The following MAP2K5 variants were observed in gnomAD, a reference collection of about 807,000 sequenced individuals.
MAP2K5 encodes mitogen-activated protein kinase kinase 5.
Under a neutral mutation model 83.1 loss-of-function variants are expected in MAP2K5, and 49 were observed. That is an observed-to-expected ratio of 0.59 (90% confidence interval 0.47 to 0.75). MAP2K5 has a LOEUF of 0.75. MAP2K5 is among the 30% of genes least tolerant of loss of function. The pLI, the probability that MAP2K5 is intolerant of heterozygous loss-of-function variation, is 0.00. For synonymous variants in MAP2K5, 202 were observed against 191.8 expected (o/e 1.05, Z -0.44); for missense variants, 457 against 557.5 (o/e 0.82, Z 1.82).
chr15:67,769,695 A>G lies in MAP2K5; in HGVS notation c.1196+32A>G, dbSNP rs2090105667. ...CCGTTTACAAACATGCCATGCCCTCAATGTAAATGATACATGCCATTAACT... is the reference window on the plus strand; with the variant it reads ...CCGTTTACAAACATGCCATGCCCTCGATGTAAATGATACATGCCATTAACT... On this transcript the variant is annotated intron_variant, in intron 20 of 21. Coordinates refer to ENST00000178640, the MANE Select transcript of MAP2K5 (RefSeq NM_145160.3). The surrounding 1 kb of genome is among the most constrained non-coding windows in gnomAD (Gnocchi z 5.2). 1 of 1,607,076 alleles carries G rather than the reference A, an allele frequency of 6.2e-7. No homozygotes were observed. Among genetic ancestry groups the G allele is most frequent in the Non-Finnish European group, 8.5e-7 (1 of 1,173,950 alleles).
rs1463258932 is a variant in MAP2K5, at chr15:67,736,982, C to G, written c.1074+9037C>G. Among the ~76,000 whole-genome samples, 2 of 152,220 alleles carry G rather than the reference C, an allele frequency of 1.3e-5. No individual in the cohort carries two copies. The highest frequency in any genetic ancestry group is 4.8e-5 in the African/African-American group (2 of 41,452). On this transcript the variant is annotated intron_variant, in intron 17 of 21. Transcript: ENST00000178640. This position sits in a 1 kb window ranked among gnomAD's most constrained non-coding sequence, Gnocchi z 4.3. ...GAGTCCACAGCCATTAAATGACTCA[C>G]TCATGATTACCAGGTATTCAGCAAC... is the stretch of plus-strand genomic sequence containing the variant.
In MAP2K5 at chr15:67,748,335, G is replaced by T; in HGVS notation, c.1101+78G>T. ...CTTCCTTTGCATGCTTGAATGCCTT[G>T]TTTTAAACTTAGCAAATTGCATTTT... On this transcript the variant is annotated intron_variant, in intron 18 of 21. Transcript: ENST00000178640. The surrounding 1 kb of genome is among the most constrained non-coding windows in gnomAD (Gnocchi z 4.0). The T allele has an allele frequency of 1.6e-6, 2 of 1,257,722 alleles. No individual in the cohort carries two copies. The highest frequency in any genetic ancestry group is 1.2e-6 in the Non-Finnish European group (1 of 867,168). 77.9% of individuals were successfully genotyped at this position (1,257,722 alleles called of 1,614,324 possible).
At position 67,573,807 on chromosome 15, in the gene MAP2K5, T is replaced by C. The variant is rs1217677733; in HGVS notation, c.253-6947T>C. Among the ~76,000 whole-genome samples, 1 of 152,190 alleles carries C rather than the reference T, an allele frequency of 6.6e-6. No homozygotes were observed. Among genetic ancestry groups the C allele is most frequent in the Non-Finnish European group, 1.5e-5 (1 of 68,024 alleles). ...CTTTAAAGATAATATCTTTAAATAA[T>C]AATATCTTCTTGTGGAAGACAGTAG... On this transcript the variant is annotated intron_variant, in intron 3 of 21. Transcript: ENST00000178640. This position sits in a 1 kb window ranked among gnomAD's most constrained non-coding sequence, Gnocchi z 4.2.
intron 5 of MAP2K5, 86 bp downstream of exon 5, chr15:67,586,016 C>T (rs2085281509): frequency 8.4e-7 from 1 of 1,196,756 alleles, no homozygotes. Context: ...TAAAACTGCA[C>T]TTTCTCAAGC....
chr15:67,560,329 G>A (rs545900362), intron 2 of MAP2K5, among the ~76,000 whole-genome samples: 2 of 152,344 alleles, frequency 1.3e-5, no homozygotes, highest in African/African-American at 4.8e-5. Flanking sequence ...TTCTAACTCA[G>A]TTTCCTCTTG....
chr15:67,616,530 G>A (rs1380942824), intron 8 of MAP2K5, among the ~76,000 whole-genome samples: 4 of 152,124 alleles, frequency 2.6e-5, no homozygotes, highest in Admixed American at 1.3e-4. Flanking sequence ...AGGGAATACA[G>A]GATATCTCAC....
In MAP2K5 at chr15:67,722,860, A is replaced by G. The variant is rs750002715; in HGVS notation, c.1045-5056A>G. Among the ~76,000 whole-genome samples the G allele has an allele frequency of 6.6e-6, 1 of 152,242 alleles. No individual in the cohort carries two copies. ...AATGTACACAAGGTAATTAAGAACA[A>G]ATTTTAGAACATTTCAGACTATAAA... On this transcript the variant is annotated intron_variant, in intron 16 of 21. Coordinates refer to ENST00000178640, the MANE Select transcript of MAP2K5 (RefSeq NM_145160.3). This position sits in a 1 kb window ranked among gnomAD's most constrained non-coding sequence, Gnocchi z 4.2.
At chr15:67,803,774 G>C (rs1366787052) in intron 21 of MAP2K5, among the ~76,000 whole-genome samples, 1 of 152,238 alleles carries the variant, frequency 6.6e-6, no homozygotes, top group Non-Finnish European at 1.5e-5. Context: ...AGCCCTGGTT[G>C]CACCTCTGGC....
Position 67,794,588 on chromosome 15 carries a change from C to T in MAP2K5, c.1243-12058C>T, listed in dbSNP as rs1356421552. 1.3e-5 allele frequency among the ~76,000 whole-genome samples: 2 copies of T among 151,274 alleles called. No individual in the cohort carries two copies. Among genetic ancestry groups the T allele is most frequent in the African/African-American group, 4.9e-5 (2 of 41,084 alleles). ...CAGCCAGCTCCCTGCACTCCTGACC[C>T]TCAGCAGCCCATTCCACTGAGGGTC... On this transcript the variant is annotated intron_variant, in intron 21 of 21. Transcript: ENST00000178640. The surrounding 1 kb of genome is among the most constrained non-coding windows in gnomAD (Gnocchi z 4.6).
intron 16 of MAP2K5, 55 bp downstream of exon 16, chr15:67,703,463 C>G (rs191916034): frequency 7.3e-7 from 1 of 1,372,496 alleles, no homozygotes; most frequent in Non-Finnish European, 1.0e-6. Context: ...TATATTCAAT[C>G]AGGAAAAGTG....
Position 67,615,926 on chromosome 15 carries a change from A to G in MAP2K5, c.546-14962A>G, listed in dbSNP as rs117739826. Among the ~76,000 whole-genome samples the G allele has an allele frequency of 1.8e-4, 27 of 152,288 alleles. No homozygotes were observed. In the East Asian group the frequency reaches 2.7e-3, roughly 15 times the overall value. ...GGCTTCAGAGTTGTTCAGCCTTATAATCTTTTGGGAAAATGTAATACAATC... is the reference window on the plus strand; with the variant it reads ...GGCTTCAGAGTTGTTCAGCCTTATAGTCTTTTGGGAAAATGTAATACAATC... On this transcript the variant is annotated intron_variant, in intron 8 of 21. Coordinates refer to ENST00000178640, the MANE Select transcript of MAP2K5 (RefSeq NM_145160.3).
At chr15:67,588,232 T>TG (rs1319824051) in intron 6 of MAP2K5, 2 of 270,458 alleles carry the variant, frequency 7.4e-6, no homozygotes, top group Admixed American at 6.5e-5. Context: ...GCTTTGCTGA[T>TG]GAACACATAG....
In MAP2K5 at chr15:67,686,642, T is replaced by TAATAATAATAAC. The variant is rs869154734; in HGVS notation, c.848-5835_848-5834insTAATAATAACAA. On this transcript the variant is annotated intron_variant, in intron 13 of 21. Transcript: ENST00000178640. Reference sequence around the variant, plus strand: ...ATAATAATAATAATAATAATAATAATAACATGTTGTAGGGTTTATAATTTA... The same window carrying TAATAATAATAAC: ...ATAATAATAATAATAATAATAATAATAATAATAATAACAACATGTTGTAGGGTTTATAATTTA... Among the ~76,000 whole-genome samples the TAATAATAATAAC allele has an allele frequency of 1.2e-3, 156 of 124,944 alleles. 1 individual carries two copies. The highest frequency in any genetic ancestry group is 4.4e-3 in the African/African-American group (151 of 34,000). 82.0% of individuals were successfully genotyped at this position (124,944 alleles called of 152,430 possible).
rs117482388 is a variant in MAP2K5, at chr15:67,598,548, T to C, written c.481-2137T>C. On this transcript the variant is annotated intron_variant, in intron 7 of 21. Transcript: ENST00000178640. ...CTGCACTCCTTCCCCGCCTGTGCCCTGACAGTGTTGGATGCTTACTACTCC... is the reference window on the plus strand; with the variant it reads ...CTGCACTCCTTCCCCGCCTGTGCCCCGACAGTGTTGGATGCTTACTACTCC... 4.6e-5 allele frequency among the ~76,000 whole-genome samples: 7 copies of C among 152,308 alleles called. No homozygotes were observed. The East Asian group carries it at 1.4e-3, about 29-fold the overall frequency.
rs375161697 is a variant in MAP2K5, at chr15:67,586,518, A to G, written c.364-328A>G. Among the ~76,000 whole-genome samples the G allele has an allele frequency of 6.6e-5, 10 of 152,268 alleles. No homozygotes were observed. In the East Asian group the frequency reaches 1.7e-3, roughly 26 times the overall value. ...AGGATATAACTTGAGGTTCACTACT[A>G]ACCCCTGGGTATATTCTTAATGTAC... On this transcript the variant is annotated intron_variant, in intron 5 of 21. Transcript: ENST00000178640.
At chr15:67,596,442 C>CT (rs759424950) in intron 7 of MAP2K5, among the ~76,000 whole-genome samples, 14 of 151,950 alleles carry the variant, frequency 9.2e-5, no homozygotes, top group Non-Finnish European at 1.8e-4. Context: ...ACAGGAAAAC[C>CT]TTTTTGTATA....
chr15:67,675,083 A>G (rs571636963), intron 13 of MAP2K5, among the ~76,000 whole-genome samples: 41 of 152,316 alleles, frequency 2.7e-4, no homozygotes, highest in African/African-American at 9.6e-4. Flanking sequence ...TGACCCAGCA[A>G]TTGCATTCCT....
At chr15:67,569,035 A>C (rs1388837777) in intron 3 of MAP2K5, among the ~76,000 whole-genome samples, 1 of 151,732 alleles carries the variant, frequency 6.6e-6, no homozygotes, top group African/African-American at 2.4e-5. Flanking sequence ...AAAAAAAACA[A>C]AACTCTGTGG....
At chr15:67,614,196 C>G (rs1360760058) in intron 8 of MAP2K5, among the ~76,000 whole-genome samples, 1 of 152,206 alleles carries the variant, frequency 6.6e-6, no homozygotes, top group Non-Finnish European at 1.5e-5. Flanking sequence ...GTAACCTCAC[C>G]AAGCCTTGGT....
Sources: gnomAD v4.1 joint callset for allele counts (sites outside exome capture counted in the v4.1 genomes callset) on GRCh38, gnomAD v4.1.1 for gene constraint, Gnocchi (gnomAD v3.1) non-coding constraint, MANE v1.5 for transcripts, NCBI Gene and HGNC (gene_info 2026-07-23, HGNC 2026-07-21) for gene names.